ITSN1: variants seen among roughly 807,000 people sequenced by gnomAD.
ITSN1 encodes the protein intersectin 1.
Under a neutral mutation model 239.8 loss-of-function variants are expected in ITSN1, and 58 were observed. That is an observed-to-expected ratio of 0.24 (90% CI 0.20 to 0.30). ITSN1 has a LOEUF of 0.30. Ranked by LOEUF, ITSN1 falls within the 10% of genes least tolerant of loss-of-function variation. The pLI is 1.00. For synonymous variants in ITSN1, 780 were observed against 770.8 expected, an observed-to-expected ratio of 1.01 and a Z score of -0.20; for missense variants, 1,558 against 2,103.3, an observed-to-expected ratio of 0.74 and a Z score of 5.07.
chr21:33,782,660 A>G (rs1256801644), intron 16 of ITSN1, among the ~76,000 whole-genome samples: 1 of 152,332 alleles, frequency 6.6e-6, no homozygotes, highest in South Asian at 2.1e-4. Context: ...GAGGAAATGT[A>G]AAATGGTTAG....
chr21:33,888,358 G>A lies in ITSN1; in HGVS notation c.*58G>A. 1 of 1,506,000 alleles carries A rather than the reference G, an allele frequency of 6.6e-7. No individual in the cohort carries two copies. Among genetic ancestry groups the A allele is most frequent in the Non-Finnish European group, 9.0e-7 (1 of 1,115,556 alleles). The allele number at this position is 1,506,000 out of a possible 1,614,324, so 93.3% of individuals were successfully genotyped here. A position where few individuals can be genotyped will look rare whatever the true frequency, so the allele number is the denominator to read the frequency against. On this transcript the variant is annotated 3_prime_UTR_variant, in exon 40 of 40. Transcript: ENST00000381318. The stretch of plus-strand genomic sequence containing the variant: ...CAGCCCACGGCCACACATGCTGTCT[G>A]GAAATTGTATTCCTTTTCTAAGAAA...
At chr21:33,862,360 C>T (rs765747586) in intron 31 of ITSN1, among the ~76,000 whole-genome samples, 1 of 151,710 alleles carries the variant, frequency 6.6e-6, no homozygotes, top group Non-Finnish European at 1.5e-5. Flanking sequence ...TTCTTTTTAA[C>T]TTAAGAAGAA....
chr21:33,814,217 A>T, intron 22 of ITSN1, 145 bp downstream of exon 22: 1 of 676,102 alleles, frequency 1.5e-6, no homozygotes, highest in Non-Finnish European at 2.4e-6. Context: ...CCAGTGCAGG[A>T]GCCAGAAATC....
At position 33,899,334 on chromosome 21, in the gene ITSN1, A is replaced by AT. The variant is rs1488179285; in HGVS notation, c.*11035dup. On this transcript the variant is annotated 3_prime_UTR_variant, in exon 40 of 40. Transcript: ENST00000381318. ...ACAAGCGGGCCACAGTGCTGGTGGC[A>AT]TGTTGCTTCCCTCACAGCCCTGCCC... 1.3e-5 allele frequency: 2 copies of AT among 152,202 alleles called. No homozygotes were observed. Among genetic ancestry groups the AT allele is most frequent in the African/African-American group, 2.4e-5 (1 of 41,446 alleles). 9.4% of individuals were successfully genotyped at this position (152,202 alleles called of 1,614,324 possible).
chr21:33,804,548 A>C (rs905990701), intron 20 of ITSN1, among the ~76,000 whole-genome samples: 3 of 152,224 alleles, frequency 2.0e-5, no homozygotes, highest in African/African-American at 7.2e-5. Flanking sequence ...GGGAAGACCA[A>C]ATGCTTTCAA....
chr21:33,715,022 C>T (rs975431428), intron 1 of ITSN1, among the ~76,000 whole-genome samples: 3 of 151,890 alleles, frequency 2.0e-5, no homozygotes, highest in Non-Finnish European at 4.4e-5. Context: ...AAAAATTTAG[C>T]CATTTCTTAA....
At chr21:33,705,538 C>G (rs924277007) in intron 1 of ITSN1, among the ~76,000 whole-genome samples, 2 of 151,584 alleles carry the variant, frequency 1.3e-5, no homozygotes, top group Non-Finnish European at 2.9e-5. Flanking sequence ...CAGGTGCCTG[C>G]CACCACACCC....
At chr21:33,702,218 C>T (rs1007062757) in intron 1 of ITSN1, among the ~76,000 whole-genome samples, 5 of 88 alleles carry the variant, frequency 0.057, no homozygotes, top group Non-Finnish European at 0.071. Context: ...CAGGTTCAAG[C>T]GATTCCCCTG....
At chr21:33,749,910 T>G (rs997159571) in intron 5 of ITSN1, among the ~76,000 whole-genome samples, 1 of 152,210 alleles carries the variant, frequency 6.6e-6, no homozygotes, top group Non-Finnish European at 1.5e-5. Flanking sequence ...CAGTTATTAT[T>G]CTTTTTGATT....
At chr21:33,742,634 T>G (rs1357643965) in intron 5 of ITSN1, among the ~76,000 whole-genome samples, 2 of 152,128 alleles carry the variant, frequency 1.3e-5, no homozygotes, top group African/African-American at 2.4e-5. Context: ...CCCTATGAAC[T>G]CAAAAGACTG....
intron 29 of ITSN1, among the ~76,000 whole-genome samples, chr21:33,846,391 T>C (rs1020243501): frequency 2.6e-5 from 4 of 152,226 alleles, no homozygotes; most frequent in Non-Finnish European, 2.9e-5. Context: ...CAGAAATACA[T>C]AGATACTCTT....
chr21:33,717,566 A>AT (rs2065225743), intron 1 of ITSN1, among the ~76,000 whole-genome samples: 2 of 151,760 alleles, frequency 1.3e-5, no homozygotes, highest in Admixed American at 6.6e-5. Flanking sequence ...CTAAATCTGG[A>AT]TTTTTTTGAG....
intron 34 of ITSN1, 80 bp downstream of exon 34, chr21:33,875,601 T>C (rs1602680516): frequency 3.7e-6 from 5 of 1,369,058 alleles, no homozygotes; most frequent in Middle Eastern, 2.1e-4. Flanking sequence ...AAGAAAAGCA[T>C]GAACCATTCT....
intron 31 of ITSN1, among the ~76,000 whole-genome samples, chr21:33,859,002 A>G (rs1979937730): frequency 6.6e-6 from 1 of 151,880 alleles, no homozygotes; most frequent in Admixed American, 6.6e-5. Context: ...TTGCAAGAGT[A>G]GGTTTCCTGG....
intron 1 of ITSN1, among the ~76,000 whole-genome samples, chr21:33,695,622 C>T (rs2091758933): frequency 4.6e-5 from 7 of 152,326 alleles, no homozygotes; most frequent in Non-Finnish European, 8.8e-5. Context: ...ATAAACCAAA[C>T]ACATTTTGAG....
chr21:33,653,929 T>G (rs2088795444), intron 1 of ITSN1, among the ~76,000 whole-genome samples: 1 of 152,168 alleles, frequency 6.6e-6, no homozygotes, highest in Non-Finnish European at 1.5e-5. Context: ...GTGCTGAGAT[T>G]ATAGGCATGA....
At position 33,722,544 on chromosome 21, in the gene ITSN1, G is replaced by T. The variant is rs73368079; in HGVS notation, c.122-44G>T. On this transcript the variant is annotated intron_variant, in intron 3 of 39. Coordinates refer to ENST00000381318, the MANE Select transcript of ITSN1 (RefSeq NM_003024.3). ...TATTACAGGATTTCTGTCAGCTGTT[G>T]TTTTTTTTTTTTTTTCCTGAAACTT... is the stretch of plus-strand genomic sequence containing the variant. 8.1e-3 allele frequency: 10,396 copies of T among 1,283,924 alleles called. 75 individuals carry two copies. The highest frequency in any genetic ancestry group is 0.058 in the African/African-American group (3,279 of 56,896). 79.5% of individuals were successfully genotyped at this position (1,283,924 alleles called of 1,614,324 possible).
intron 31 of ITSN1, among the ~76,000 whole-genome samples, chr21:33,861,881 G>GT (rs1367259458): frequency 6.6e-6 from 1 of 151,340 alleles, no homozygotes; most frequent in Non-Finnish European, 1.5e-5. Flanking sequence ...GGGAGGTGGA[G>GT]TTTGCAGTGA....
At position 33,751,945 on chromosome 21, in the gene ITSN1, G is replaced by A. The variant is rs192912021; in HGVS notation, c.623+39G>A. The A allele has an allele frequency of 2.7e-4, 352 of 1,306,346 alleles. 3 individuals are homozygous for A. The African/African-American group carries it at 4.4e-3, about 16-fold the overall frequency. The allele number at this position is 1,306,346 out of a possible 1,614,324, so 80.9% of individuals were successfully genotyped here. Reference sequence around the variant, plus strand: ...TTTTTAAATGGGAAGTTTGGTTAAGGCCATTACCTGATTAAATCATAAATT... The same window carrying A: ...TTTTTAAATGGGAAGTTTGGTTAAGACCATTACCTGATTAAATCATAAATT... On this transcript the variant is annotated intron_variant, in intron 7 of 39. Transcript: ENST00000381318.
Sources: gnomAD v4.1 joint callset for allele counts (sites outside exome capture counted in the v4.1 genomes callset) on GRCh38, gnomAD v4.1.1 for gene constraint, MANE v1.5 for transcripts, NCBI Gene and HGNC (gene_info 2026-07-23, HGNC 2026-07-21) for gene names.